The following DAND5 variants were observed in gnomAD, a reference collection of about 807,000 sequenced individuals.
The protein encoded by DAND5 is DAN domain family member 5.
A neutral mutation model predicts 9.2 loss-of-function variants in DAND5; 8 were observed. The observed-to-expected ratio is 0.87, with a 90% CI of 0.51 to 1.56. The LOEUF is 1.56. Among genes scored for constraint, DAND5 ranks in the 40% most tolerant of loss-of-function variants. The probability of loss-of-function intolerance (pLI) is 0.00; values close to 1 mark genes in which losing one functional copy is unlikely to be tolerated. For synonymous variants in DAND5, 95 were observed against 101.1 expected (o/e 0.94, Z 0.36); for missense variants, 244 against 244.7 (o/e 1.00, Z 0.02).
chr19:12,969,630 C>T lies in DAND5; in HGVS notation c.-31C>T. On this transcript the variant is annotated 5_prime_UTR_variant, in exon 1 of 2. Coordinates refer to ENST00000317060, the MANE Select transcript of DAND5 (RefSeq NM_152654.3). ...TGACCTTGAGCCCAGTCCGGACAGA[C>T]AGACAGGCAGACAGACGCACGGACA... 6.4e-7 allele frequency: 1 copy of T among 1,568,116 alleles called. No individual in the cohort carries two copies.
Position 12,969,831 on chromosome 19 carries a change from T to C in DAND5, c.171T>C (p.Leu57=), listed in dbSNP as rs1354389855. Residue 57 remains leucine, a synonymous_variant, in exon 1 of 2, where the codon CTT becomes CTC. Transcript: ENST00000317060. ...CCCCACTGGTGCCAGCTTCTGCCCT[T>C]GGGAGCTGGAAGGCCTTCTTGGGCC... ...ALPPLVPASA[L]GSWKAFLGLQ... 4 of 1,611,946 alleles carry C rather than the reference T, an allele frequency of 2.5e-6. No individual in the cohort carries two copies. The highest frequency in any genetic ancestry group is 1.1e-5 in the South Asian group (1 of 90,792).
chr19:12,969,948 G>T lies in DAND5; in HGVS notation c.288G>T (p.Val96=). The T allele has an allele frequency of 6.2e-7, 1 of 1,614,132 alleles. No individual in the cohort carries two copies. Among genetic ancestry groups the T allele is most frequent in the South Asian group, 1.1e-5 (1 of 91,084 alleles). The change falls in exon 1 of 2, where the codon GTG becomes GTT. Residue 96 remains valine, a synonymous_variant. Transcript: ENST00000317060. The part of the protein sequence containing the change: ...AVTLPLNPQE[V]IQGMCKAVPF... The stretch of plus-strand genomic sequence containing the variant: ...CTCTGCCGCTGAACCCTCAGGAAGT[G>T]ATCCAGGGGATGTGTAAGGCTGTGC...
intron 1 of DAND5, among the ~76,000 whole-genome samples, chr19:12,973,105 G>A (rs189074739): frequency 4.3e-4 from 65 of 151,946 alleles, no homozygotes; most frequent in South Asian, 6.2e-4. Flanking sequence ...CTCGTGATCC[G>A]CCCGCCTTGG....
Position 12,969,588 on chromosome 19 carries a change from G to A in DAND5, c.-73G>A, listed in dbSNP as rs1158771147. On this transcript the variant is annotated 5_prime_UTR_variant, in exon 1 of 2. Coordinates refer to ENST00000317060, the MANE Select transcript of DAND5 (RefSeq NM_152654.3). ...AGGCTCAGATGCCACTCACCAGACAGCAGGGTCGACTGCTAGTGACCTTGA... is the reference window on the plus strand; with the variant it reads ...AGGCTCAGATGCCACTCACCAGACAACAGGGTCGACTGCTAGTGACCTTGA... The A allele has an allele frequency of 4.7e-6, 7 of 1,490,062 alleles. No homozygotes were observed. Among genetic ancestry groups the A allele is most frequent in the Admixed American group, 2.2e-5 (1 of 45,584 alleles). 92.3% of individuals were successfully genotyped at this position (1,490,062 alleles called of 1,614,324 possible). A position where few individuals can be genotyped will look rare whatever the true frequency, so the allele number is the denominator to read the frequency against.
At chr19:12,971,656 A>G (rs541066907) in intron 1 of DAND5, among the ~76,000 whole-genome samples, 3 of 148,522 alleles carry the variant, frequency 2.0e-5, no homozygotes, top group African/African-American at 7.5e-5. Context: ...CAGTGGTGCA[A>G]TCTCGGCTCA....
Position 12,973,528 on chromosome 19 carries a change from G to A in DAND5, c.464G>A (p.Trp155Ter), listed in dbSNP as rs763265679. 9.9e-6 allele frequency: 16 copies of A among 1,614,106 alleles called. No individual in the cohort carries two copies. The highest frequency in any genetic ancestry group is 1.4e-5 in the Non-Finnish European group (16 of 1,180,034). Residue 155 changes from tryptophan to a stop codon, truncating the protein, a stop_gained, in exon 2 of 2, where the codon TGG becomes TAG. Transcript: ENST00000317060. LOFTEE classifies it low-confidence loss of function (END_TRUNC). ...CNSCMPARKRWAPVVLWCLTG... is the reference protein window; with the variant it reads ...CNSCMPARKR ...AGCTGTATGCCTGCTCGCAAGCGTT[G>A]GGCACCCGTGGTCCTGTGGTGTCTC...
intron 1 of DAND5, among the ~76,000 whole-genome samples, chr19:12,971,364 C>T (rs1425416449): frequency 6.6e-6 from 1 of 151,974 alleles, no homozygotes; most frequent in Non-Finnish European, 1.5e-5. Flanking sequence ...CTGCAACCTC[C>T]GCCTCCCGGG....
intron 1 of DAND5, among the ~76,000 whole-genome samples, chr19:12,971,756 A>G (rs1261373093): frequency 6.6e-6 from 1 of 151,394 alleles, no homozygotes; most frequent in Non-Finnish European, 1.5e-5. Context: ...ATGCTCAGCT[A>G]ATTTCTGTAT....
intron 1 of DAND5, 56 bp from the exon 2 acceptor site, chr19:12,973,333 C>A: frequency 6.3e-7 from 1 of 1,582,316 alleles, no homozygotes; most frequent in South Asian, 1.2e-5. Flanking sequence ...TGATTATCCT[C>A]GCCACTCTGG....
rs772075043 is a variant in DAND5 at position 12,969,713 on chromosome 19, C to T, written c.53C>T (p.Pro18Leu). Reference sequence around the variant, plus strand: ...CTGTGCCTGCTTAGCGGGGCCCTGCCTACAGGCTCAGGGAGGCCTGAACCC... The same window carrying T: ...CTGTGCCTGCTTAGCGGGGCCCTGCTTACAGGCTCAGGGAGGCCTGAACCC... ...TLLCLLSGAL[P>L]TGSGRPEPQS... The change falls in exon 1 of 2, where the codon CCT (proline) becomes CTT (leucine). Residue 18 changes from proline (P) to leucine (L), a missense_variant. Physicochemically the swap from Pro to Leu is moderately conservative, Grantham distance 98. Coordinates refer to ENST00000317060, the MANE Select transcript of DAND5 (RefSeq NM_152654.3). The T allele has an allele frequency of 7.5e-6, 12 of 1,606,838 alleles. No individual in the cohort carries two copies. The East Asian group carries it at 2.7e-4, about 36-fold the overall frequency.
At position 12,969,619 on chromosome 19, in the gene DAND5, G is replaced by T. The variant is rs1237531758; in HGVS notation, c.-42G>T. On this transcript the variant is annotated 5_prime_UTR_variant, in exon 1 of 2. Coordinates refer to ENST00000317060, the MANE Select transcript of DAND5 (RefSeq NM_152654.3). ...TCGACTGCTAGTGACCTTGAGCCCA[G>T]TCCGGACAGACAGACAGGCAGACAG... The T allele has an allele frequency of 3.2e-6, 5 of 1,558,616 alleles. No homozygotes were observed. The highest frequency in any genetic ancestry group is 4.3e-6 in the Non-Finnish European group (5 of 1,155,784).
intron 1 of DAND5, among the ~76,000 whole-genome samples, chr19:12,973,076 A>T (rs376360972): frequency 6.6e-6 from 1 of 150,910 alleles, no homozygotes; most frequent in Non-Finnish European, 1.5e-5. Context: ...GTTGGCCAGG[A>T]TGGTCTCGAT....
intron 1 of DAND5, 149 bp downstream of exon 1, chr19:12,970,133 C>A: frequency 2.2e-6 from 2 of 920,566 alleles, no homozygotes; most frequent in Non-Finnish European, 3.2e-6. Context: ...AAATGCGACC[C>A]AAGCCTCCTC....
intron 1 of DAND5, 52 bp downstream of exon 1, chr19:12,970,036 G>A: frequency 4.4e-6 from 7 of 1,599,772 alleles, no homozygotes; most frequent in Non-Finnish European, 6.0e-6. Flanking sequence ...ATTGGCAGAA[G>A]GCACAGGCTG....
chr19:12,970,329 C>G (rs1568238379), intron 1 of DAND5: 3 of 625,266 alleles, frequency 4.8e-6, no homozygotes, highest in East Asian at 5.5e-5. Context: ...CCACAAATTT[C>G]TGTACTCTCT....
chr19:12,973,726 C>T lies in DAND5; in HGVS notation c.*92C>T. On this transcript the variant is annotated 3_prime_UTR_variant, in exon 2 of 2. Coordinates refer to ENST00000317060, the MANE Select transcript of DAND5 (RefSeq NM_152654.3). Reference sequence around the variant, plus strand: ...AAGACGTGGACCTGGATGATGTACTCTGGGTCAAGAGACCAGGGATGCAGG... The same window carrying T: ...AAGACGTGGACCTGGATGATGTACTTTGGGTCAAGAGACCAGGGATGCAGG... The T allele has an allele frequency of 6.5e-7, 1 of 1,543,344 alleles. No individual in the cohort carries two copies. The highest frequency in any genetic ancestry group is 8.7e-7 in the Non-Finnish European group (1 of 1,146,646).
intron 1 of DAND5, among the ~76,000 whole-genome samples, chr19:12,970,971 C>A (rs1000851120): frequency 6.6e-6 from 1 of 152,184 alleles, no homozygotes; most frequent in Non-Finnish European, 1.5e-5. Context: ...TGAGCCACTG[C>A]GCCAGGCCAA....
In DAND5 at chr19:12,969,614, G is replaced by A; in HGVS notation, c.-47G>A. ...CAGGGTCGACTGCTAGTGACCTTGA[G>A]CCCAGTCCGGACAGACAGACAGGCA... On this transcript the variant is annotated 5_prime_UTR_variant, in exon 1 of 2. Coordinates refer to ENST00000317060, the MANE Select transcript of DAND5 (RefSeq NM_152654.3). 5 of 1,543,922 alleles carry A rather than the reference G, an allele frequency of 3.2e-6. No homozygotes were observed. In the South Asian group the frequency reaches 6.4e-5, roughly 20 times the overall value.
At chr19:12,971,436 G>A (rs2011145103) in intron 1 of DAND5, among the ~76,000 whole-genome samples, 1 of 151,410 alleles carries the variant, frequency 6.6e-6, no homozygotes, top group African/African-American at 2.4e-5. Context: ...ACGCCACCAT[G>A]CCCAGCTAAT....
Sources: allele counts gnomAD v4.1 joint callset (sites outside exome capture counted in the v4.1 genomes callset), GRCh38; gene constraint gnomAD v4.1.1; transcripts MANE v1.5; gene names NCBI Gene and HGNC (gene_info 2026-07-23, HGNC 2026-07-21).